The following LDLRAD1 variants were observed in gnomAD, a reference collection of about 807,000 sequenced individuals.
The protein encoded by LDLRAD1 is low-density lipoprotein receptor class A domain-containing protein 1.
In LDLRAD1, 17 loss-of-function variants were observed where a neutral mutation model predicts 24.8. The ratio of observed to expected loss-of-function variants is 0.69; its 90% CI spans 0.47 to 1.03. The LOEUF (loss-of-function observed/expected upper bound fraction) is 1.03. LDLRAD1 is among the 50% of genes least tolerant of loss of function. LDLRAD1 has a pLI of 0.00. For synonymous variants in LDLRAD1, 103 were observed against 108.2 expected (o/e 0.95, Z 0.30); for missense variants, 277 against 271.0 (o/e 1.02, Z -0.16).
intron 3 of LDLRAD1, 86 bp from the exon 4 acceptor site, chr1:54,012,366 G>A: frequency 6.9e-7 from 1 of 1,458,394 alleles, no homozygotes; most frequent in Non-Finnish European, 9.5e-7. Flanking sequence ...CCTAGAGCTG[G>A]CCTGAGGGGC....
At position 54,012,235 on chromosome 1, in the gene LDLRAD1, C is replaced by T; in HGVS notation, c.248G>A (p.Cys83Tyr). The change falls in exon 4 of 6, where the codon TGC becomes TAC. Residue 83 changes from cysteine to tyrosine, a missense_variant. Cys to Tyr is a radical substitution (Grantham distance 194). Transcript: ENST00000371360. The stretch of plus-strand genomic sequence containing the variant: ...TGGAATGCAGCTCCTCTGGTCATGG[C>T]ACAAGAAGCCTGTCCTGTTTGTCAG... ...ITLTNRTGFL[C>Y]HDQRSCIPAS... 1 of 1,614,130 alleles carries T rather than the reference C, an allele frequency of 6.2e-7. No individual in the cohort carries two copies. Among genetic ancestry groups the T allele is most frequent in the Non-Finnish European group, 8.5e-7 (1 of 1,179,984 alleles).
At position 54,017,267 on chromosome 1, in the gene LDLRAD1, A is replaced by C. The variant is rs921354895; in HGVS notation, c.73+109T>G. 3.6e-6 allele frequency: 3 copies of C among 822,590 alleles called. No homozygotes were observed. The Admixed American group carries it at 7.1e-5, about 19-fold the overall frequency. The allele number at this position is 822,590 out of a possible 1,614,324, so 51.0% of individuals were successfully genotyped here. A position where few individuals can be genotyped will look rare whatever the true frequency, so the allele number is the denominator to read the frequency against. On this transcript the variant is annotated intron_variant, in intron 2 of 5. Transcript: ENST00000371360. ...GCAGACAACGTTAACATGGAGGCAG[A>C]GGTCTGAGGGACAGTGGGAGCCTTG...
chr1:54,013,115 T>C (rs1256587094), intron 3 of LDLRAD1, among the ~76,000 whole-genome samples: 1 of 152,056 alleles, frequency 6.6e-6, no homozygotes, highest in Non-Finnish European at 1.5e-5. Flanking sequence ...CACACACAGA[T>C]GCACACACAC....
At chr1:54,014,404 G>A (rs1328435348) in intron 2 of LDLRAD1, 40 bp from the exon 3 acceptor site, 3 of 1,529,254 alleles carry the variant, frequency 2.0e-6, no homozygotes, top group South Asian at 1.2e-5. Flanking sequence ...GGTGGTGATA[G>A]GGGGCCAGCG....
At position 54,008,874 on chromosome 1, in the gene LDLRAD1, C is replaced by CTCAGTGCTCGCGGTA; in HGVS notation, c.*107_*108insTACCGCGAGCACTGA. On this transcript the variant is annotated 3_prime_UTR_variant, in exon 6 of 6. Coordinates refer to ENST00000371360, the MANE Select transcript of LDLRAD1 (RefSeq NM_001010978.4). ...TCCTATTCAGAAATGATGTGTAGAT[C>CTCAGTGCTCGCGGTA]CCATTTCAAAGGCTGCTTCCTGCCC... 1 of 992,512 alleles carries CTCAGTGCTCGCGGTA rather than the reference C, an allele frequency of 1.0e-6. No homozygotes were observed. Among genetic ancestry groups the CTCAGTGCTCGCGGTA allele is most frequent in the Non-Finnish European group, 1.5e-6 (1 of 665,246 alleles). 61.5% of individuals were successfully genotyped at this position (992,512 alleles called of 1,614,324 possible).
chr1:54,015,352 C>T (rs1213288781), intron 2 of LDLRAD1, among the ~76,000 whole-genome samples: 1 of 152,214 alleles, frequency 6.6e-6, no homozygotes, highest in Non-Finnish European at 1.5e-5. Context: ...GACGTCCCTG[C>T]TCTTGTAGAA....
At chr1:54,016,312 C>T (rs1412769583) in intron 2 of LDLRAD1, among the ~76,000 whole-genome samples, 1 of 152,158 alleles carries the variant, frequency 6.6e-6, no homozygotes. Flanking sequence ...CCTTGGCCAT[C>T]AGCAAACAGG....
Position 54,009,217 on chromosome 1 carries a change from C to T in LDLRAD1, c.470-87G>A, listed in dbSNP as rs757420251. ...GGCACTCCCTAGTTCTGAAACCTGCCGTAGCTCCCCATGGCCCCAACCCAT... is the reference window on the plus strand; with the variant it reads ...GGCACTCCCTAGTTCTGAAACCTGCTGTAGCTCCCCATGGCCCCAACCCAT... On this transcript the variant is annotated intron_variant, in intron 5 of 5. Transcript: ENST00000371360. 43 of 1,298,618 alleles carry T rather than the reference C, an allele frequency of 3.3e-5. No individual in the cohort carries two copies. In the Middle Eastern group the frequency reaches 1.1e-3, roughly 32 times the overall value. 80.4% of individuals were successfully genotyped at this position (1,298,618 alleles called of 1,614,324 possible). A position where few individuals can be genotyped will look rare whatever the true frequency, so the allele number is the denominator to read the frequency against.
chr1:54,011,003 G>A (rs560239526), intron 4 of LDLRAD1, among the ~76,000 whole-genome samples: 7 of 152,188 alleles, frequency 4.6e-5, no homozygotes, highest in Non-Finnish European at 8.8e-5. Context: ...GATTCTGTTC[G>A]TTAGACTGCC....
Position 54,017,393 on chromosome 1 carries a change from G to C in LDLRAD1, c.56C>G (p.Ala19Gly). ...ENGYTAAESK[A>G]HPGGEAGGGH... ...TTCTTTACCTTCCCCTCCAGGGTGG[G>C]CTTTGGATTCAGCAGCAGTGTAGCC... The change falls in exon 2 of 6, where the codon GCC (alanine) becomes GGC (glycine). Residue 19 changes from alanine (A) to glycine (G), a missense_variant. Physicochemically the swap from Ala to Gly is moderately conservative, Grantham distance 60. Coordinates refer to ENST00000371360, the MANE Select transcript of LDLRAD1 (RefSeq NM_001010978.4). The C allele has an allele frequency of 6.2e-7, 1 of 1,603,576 alleles. No homozygotes were observed. Among genetic ancestry groups the C allele is most frequent in the Non-Finnish European group, 8.5e-7 (1 of 1,174,636 alleles).
intron 3 of LDLRAD1, among the ~76,000 whole-genome samples, chr1:54,013,256 C>T (rs562246229): frequency 2.0e-5 from 3 of 152,258 alleles, no homozygotes; most frequent in South Asian, 2.1e-4. Flanking sequence ...CTCATAGACA[C>T]GCTAAACACA....
intron 4 of LDLRAD1, among the ~76,000 whole-genome samples, 157 bp from the exon 5 acceptor site, chr1:54,010,567 G>A (rs1277127416): frequency 6.6e-6 from 1 of 151,908 alleles, no homozygotes; most frequent in African/African-American, 2.4e-5. Context: ...CTGGGGAGGT[G>A]GTGGAGTCAG....
intron 3 of LDLRAD1, among the ~76,000 whole-genome samples, chr1:54,013,434 C>CTGCCCCCCACT (rs1557663086): frequency 1.5e-5 from 2 of 133,206 alleles, no homozygotes; most frequent in Non-Finnish European, 3.1e-5. Context: ...AAACATCAGC[C>CTGCCCCCCACT]TGCCCCCAAC....
At chr1:54,011,919 C>T (rs369813380) in intron 4 of LDLRAD1, among the ~76,000 whole-genome samples, 6 of 152,170 alleles carry the variant, frequency 3.9e-5, no homozygotes, top group East Asian at 1.9e-4. Context: ...GGGATGAATA[C>T]GGGTTCTCTG....
chr1:54,018,133 C>T lies in LDLRAD1; in HGVS notation c.-21G>A, dbSNP rs370872507. 608 of 1,613,386 alleles carry T rather than the reference C, an allele frequency of 3.8e-4. No homozygotes were observed. The highest frequency in any genetic ancestry group is 4.2e-4 in the East Asian group (19 of 44,882). On this transcript the variant is annotated 5_prime_UTR_variant, in exon 1 of 6. Transcript: ENST00000371360. ...TTCATGTCTTCGGTTTCCTGCTGCC[C>T]GACTGGGGCTGTGTGCAGAGAGCTC...
chr1:54,015,872 C>T (rs1366485162), intron 2 of LDLRAD1, among the ~76,000 whole-genome samples: 1 of 152,054 alleles, frequency 6.6e-6, no homozygotes. Context: ...CCAGGCTGGT[C>T]TTGAACTCCT....
In LDLRAD1 at chr1:54,008,898, C is replaced by CGTATCA; in HGVS notation, c.*83_*84insTGATAC. The CGTATCA allele has an allele frequency of 1.8e-6, 2 of 1,119,078 alleles. No individual in the cohort carries two copies. The highest frequency in any genetic ancestry group is 5.0e-5 in the South Asian group (2 of 39,972). The allele number at this position is 1,119,078 out of a possible 1,614,324, so 69.3% of individuals were successfully genotyped here. A position where few individuals can be genotyped will look rare whatever the true frequency, so the allele number is the denominator to read the frequency against. ...TCCCATTTCAAAGGCTGCTTCCTGCCCTTGTGCGCTAGGATTTGATTTTCA... is the reference window on the plus strand; with the variant it reads ...TCCCATTTCAAAGGCTGCTTCCTGCCGTATCACTTGTGCGCTAGGATTTGATTTTCA... On this transcript the variant is annotated 3_prime_UTR_variant, in exon 6 of 6. Transcript: ENST00000371360.
intron 4 of LDLRAD1, among the ~76,000 whole-genome samples, chr1:54,011,704 G>T (rs571883428): frequency 6.6e-6 from 1 of 152,156 alleles, no homozygotes; most frequent in Non-Finnish European, 1.5e-5. Flanking sequence ...CTGGGGCCCC[G>T]ATATCAAGCG....
intron 3 of LDLRAD1, among the ~76,000 whole-genome samples, chr1:54,012,568 CAT>C (rs375847852): frequency 2.0e-5 from 3 of 152,294 alleles, no homozygotes; most frequent in Non-Finnish European, 4.4e-5. Flanking sequence ...TGTGAAGAAA[CAT>C]AGAACAGAAA....
Sources: allele counts gnomAD v4.1 joint callset (sites outside exome capture counted in the v4.1 genomes callset), GRCh38; gene constraint gnomAD v4.1.1; transcripts MANE v1.5; gene names NCBI Gene and HGNC (gene_info 2026-07-23, HGNC 2026-07-21).